CTNNB1: variants seen among roughly 807,000 people sequenced by gnomAD.
The protein encoded by CTNNB1 is catenin beta 1.
CTNNB1 carries 6 observed loss-of-function variants against 82.5 expected under a neutral mutation model. The observed-to-expected ratio is 0.07, with a 90% CI of 0.04 to 0.14. The LOEUF (loss-of-function observed/expected upper bound fraction) is 0.14, where lower values mean the gene tolerates loss of function less well. CTNNB1 is among the 10% of genes least tolerant of loss of function. CTNNB1 has a pLI of 1.00. For missense variants in CTNNB1, 529 were observed against 980.4 expected (o/e 0.54, Z 6.15); for synonymous variants, 312 against 329.7 (o/e 0.95, Z 0.58).
chr3:41,236,860 C>CTA, intron 13 of CTNNB1, 151 bp downstream of exon 13: 1 of 942,894 alleles, frequency 1.1e-6, no homozygotes, highest in Non-Finnish European at 1.7e-6. Flanking sequence ...AGCAACTGCT[C>CTA]TGAGGAAGAA....
At chr3:41,222,818 A>G (rs895305874) in intron 1 of CTNNB1, among the ~76,000 whole-genome samples, 1 of 152,248 alleles carries the variant, frequency 6.6e-6, no homozygotes, top group African/African-American at 2.4e-5. Flanking sequence ...GGAGAAGCTC[A>G]GTGTAGAACA....
In CTNNB1 at chr3:41,239,307, A is replaced by G. The variant is rs1221104083; in HGVS notation, c.2311A>G (p.Ser771Gly). ...DLMDGLPPGD[S>G]NQLAWFDTDL ...CATGGATGGGCTGCCTCCAGGTGAC[A>G]GCAATCAGCTGGCCTGGTTTGATAC... Residue 771 changes from serine to glycine, a missense_variant, in exon 15 of 15, where the codon AGC becomes GGC. Ser to Gly is a moderately conservative substitution (Grantham distance 56, BLOSUM62 0). Coordinates refer to ENST00000349496, the MANE Select transcript of CTNNB1 (RefSeq NM_001904.4). 6.2e-7 allele frequency: 1 copy of G among 1,614,050 alleles called. No individual in the cohort carries two copies. Among genetic ancestry groups the G allele is most frequent in the Non-Finnish European group, 8.5e-7 (1 of 1,180,020 alleles).
Position 41,236,408 on chromosome 3 carries a change from T to C in CTNNB1, c.1863T>C (p.Leu621=), listed in dbSNP as rs2078435755. The C allele has an allele frequency of 1.2e-6, 2 of 1,614,214 alleles. No individual in the cohort carries two copies. The highest frequency in any genetic ancestry group is 1.7e-6 in the Non-Finnish European group (2 of 1,180,032). The change falls in exon 12 of 15, where the codon CTT becomes CTC. Residue 621 remains leucine (L), a synonymous_variant. Coordinates refer to ENST00000349496, the MANE Select transcript of CTNNB1 (RefSeq NM_001904.4). ...TAGCTGCAGGGGTCCTCTGTGAACT[T>C]GCTCAGGACAAGGAAGCTGCAGAAG... is the stretch of plus-strand genomic sequence containing the variant. ...QRVAAGVLCE[L]AQDKEAAEAI...
chr3:41,205,921 C>A (rs2077638184), intron 1 of CTNNB1, among the ~76,000 whole-genome samples: 2 of 152,186 alleles, frequency 1.3e-5, no homozygotes, highest in African/African-American at 2.4e-5. Context: ...CTTCGTGGAA[C>A]CACTGTAAAG....
chr3:41,235,718 T>C lies in CTNNB1; in HGVS notation c.1684-6T>C, dbSNP rs777626258. Reference sequence around the variant, plus strand: ...CCCTGTTTGTTAACCATGTTTCTTTTGGCAGGAGGGGGTCCGCATGGAAGA... The same window carrying C: ...CCCTGTTTGTTAACCATGTTTCTTTCGGCAGGAGGGGGTCCGCATGGAAGA... On this transcript the variant is annotated splice_polypyrimidine_tract_variant and splice_region_variant and intron_variant, in intron 10 of 14. Coordinates refer to ENST00000349496, the MANE Select transcript of CTNNB1 (RefSeq NM_001904.4). 15 of 1,614,164 alleles carry C rather than the reference T, an allele frequency of 9.3e-6. No individual in the cohort carries two copies. The highest frequency in any genetic ancestry group is 2.2e-5 in the East Asian group (1 of 44,886).
rs11564461 is a variant in CTNNB1, at chr3:41,234,973, T to G, written c.1683+676T>G. 3.9e-3 allele frequency: 601 copies of G among 155,548 alleles called. 2 individuals carry two copies. Among genetic ancestry groups the G allele is most frequent in the Non-Finnish European group, 6.6e-3 (466 of 70,116 alleles). The allele number at this position is 155,548 out of a possible 1,614,324, so 9.6% of individuals were successfully genotyped here. On this transcript the variant is annotated intron_variant, in intron 10 of 14. Transcript: ENST00000349496. ...GGTTGCTTTGTGTATGTACTCATATTGGGGCTTTGGCTTTCTTCATTTATT... is the reference window on the plus strand; with the variant it reads ...GGTTGCTTTGTGTATGTACTCATATGGGGGCTTTGGCTTTCTTCATTTATT...
At chr3:41,215,335 A>G (rs893226514) in intron 1 of CTNNB1, among the ~76,000 whole-genome samples, 1 of 140,456 alleles carries the variant, frequency 7.1e-6, no homozygotes, top group Non-Finnish European at 1.5e-5. Flanking sequence ...GTGAGCCAAG[A>G]TCGCGCCACT....
chr3:41,211,148 C>T (rs1436575235), intron 1 of CTNNB1: 3 of 449,038 alleles, frequency 6.7e-6, no homozygotes, highest in African/African-American at 6.0e-5. Flanking sequence ...TCGTTTACAC[C>T]AGCATCACCA....
At chr3:41,209,376 G>A (rs1040570522) in intron 1 of CTNNB1, among the ~76,000 whole-genome samples, 5 of 152,092 alleles carry the variant, frequency 3.3e-5, no homozygotes, top group African/African-American at 7.2e-5. Context: ...CTGACCTCCC[G>A]GTTTTCCCCA....
intron 13 of CTNNB1, chr3:41,237,798 AAGTC>A (rs1288311525): frequency 3.6e-6 from 2 of 562,590 alleles, no homozygotes; most frequent in Non-Finnish European, 6.4e-6. Flanking sequence ...TTGAAAGAAC[AAGTC>A]AGTGAGTATT....
intron 8 of CTNNB1, 32 bp from the exon 9 acceptor site, chr3:41,233,497 C>G (rs2125638402): frequency 1.2e-6 from 2 of 1,612,662 alleles, no homozygotes; most frequent in Non-Finnish European, 8.5e-7. Context: ...TGAGTATGTG[C>G]TTGTACTGAC....
chr3:41,223,217 G>T (rs1439737087), intron 1 of CTNNB1, among the ~76,000 whole-genome samples: 2 of 152,084 alleles, frequency 1.3e-5, no homozygotes, highest in Non-Finnish European at 2.9e-5. Flanking sequence ...ATATCTAGAG[G>T]CCATGAGCCC....
Position 41,225,538 on chromosome 3 carries a change from T to C in CTNNB1, c.700T>C (p.Ser234Pro), listed in dbSNP as rs2125623397. The change falls in exon 5 of 15, where the codon TCT becomes CCT. Residue 234 changes from serine to proline, a missense_variant. Physicochemically the swap from Ser to Pro is moderately conservative, Grantham distance 74. Coordinates refer to ENST00000349496, the MANE Select transcript of CTNNB1 (RefSeq NM_001904.4). This position sits in a 1 kb window ranked among gnomAD's most constrained non-coding sequence, Gnocchi z 5.3. ...HREGLLAIFK[S>P]GGIPALVKML... ...TGAGGGCTTACTGGCCATCTTTAAG[T>C]CTGGAGGCATTCCTGCCCTGGTGAA... 1 of 1,614,122 alleles carries C rather than the reference T, an allele frequency of 6.2e-7. No individual in the cohort carries two copies. The highest frequency in any genetic ancestry group is 8.5e-7 in the Non-Finnish European group (1 of 1,180,002).
At chr3:41,224,178 C>G (rs2078119188) in intron 2 of CTNNB1, 97 bp downstream of exon 2, 2 of 1,414,490 alleles carry the variant, frequency 1.4e-6, no homozygotes, top group Non-Finnish European at 2.0e-6. Context: ...TCTCTCCCTG[C>G]TTACTTGTCA....
chr3:41,227,757 G>T, intron 7 of CTNNB1, among the ~76,000 whole-genome samples: 1 of 152,122 alleles, frequency 6.6e-6, no homozygotes, highest in Non-Finnish European at 1.5e-5. Flanking sequence ...TTTAGGTTCC[G>T]GGTAATGTGC....
chr3:41,223,084 C>A (rs1055364178), intron 1 of CTNNB1, among the ~76,000 whole-genome samples: 10 of 151,750 alleles, frequency 6.6e-5, no homozygotes, highest in African/African-American at 2.4e-4. Flanking sequence ...CAAAAAAAAA[C>A]AAAACATAGT....
At chr3:41,205,619 T>G (rs998324175) in intron 1 of CTNNB1, among the ~76,000 whole-genome samples, 1 of 151,878 alleles carries the variant, frequency 6.6e-6, no homozygotes, top group Non-Finnish European at 1.5e-5. Context: ...GAGGTTGCAG[T>G]GAGCTGAGAT....
intron 1 of CTNNB1, among the ~76,000 whole-genome samples, chr3:41,210,718 G>A (rs1433776810): frequency 6.6e-6 from 1 of 151,674 alleles, no homozygotes; most frequent in Non-Finnish European, 1.5e-5. Flanking sequence ...ATGATAAAAA[G>A]TATAGTAAGT....
In CTNNB1 at chr3:41,211,408, C is replaced by G. The variant is rs539351278; in HGVS notation, c.-49+11738C>G. 1.2e-4 allele frequency among the ~76,000 whole-genome samples: 18 copies of G among 152,214 alleles called. No homozygotes were observed. In the South Asian group the frequency reaches 3.7e-3, roughly 32 times the overall value. On this transcript the variant is annotated intron_variant, in intron 1 of 14. Coordinates refer to ENST00000349496, the MANE Select transcript of CTNNB1 (RefSeq NM_001904.4). Reference sequence around the variant, plus strand: ...TATTTTTCAGCTTTTATTTTAGATTCAGGGTGTACATGTGCAGGTTTGTTA... The same window carrying G: ...TATTTTTCAGCTTTTATTTTAGATTGAGGGTGTACATGTGCAGGTTTGTTA...
Sources: gnomAD v4.1 joint callset for allele counts (sites outside exome capture counted in the v4.1 genomes callset) on GRCh38, gnomAD v4.1.1 for gene constraint, Gnocchi (gnomAD v3.1) non-coding constraint, MANE v1.5 for transcripts, NCBI Gene and HGNC (gene_info 2026-07-23, HGNC 2026-07-21) for gene names.